The following FRMPD4 variants were observed in gnomAD, a reference collection of about 807,000 sequenced individuals.
FRMPD4 encodes FERM and PDZ domain containing 4, also known as FERM and PDZ domain-containing protein 4.
A neutral mutation model predicts 94.1 loss-of-function variants in FRMPD4; 22 were observed. That is an observed-to-expected ratio of 0.23 (90% confidence interval 0.17 to 0.33). FRMPD4 has a LOEUF of 0.33. Among genes scored for constraint, FRMPD4 ranks in the 10% least tolerant of loss-of-function variants. FRMPD4 has a pLI of 1.00. For missense variants in FRMPD4, 1,111 were observed against 1,339.9 expected (o/e 0.83, Z 2.67); for synonymous variants, 631 against 548.6 (o/e 1.15, Z -2.10).
Position 12,702,008 on chromosome X carries a change from C to T in FRMPD4, c.1068C>T (p.Ile356=), listed in dbSNP as rs1040001720. 4.1e-6 allele frequency: 5 copies of T among 1,208,763 alleles called. No individual in the cohort carries two copies. The highest frequency in any genetic ancestry group is 1.7e-5 in the African/African-American group (1 of 57,581). Residue 356 remains isoleucine (I), a splice_region_variant and synonymous_variant, in exon 10 of 17, where the codon ATC becomes ATT. Transcript: ENST00000675598. ...CGCAGAAAATCTCCCTCAAATACAT[C>T]GAGTAAGTGTTGACTCTCAGCGCCA... ...KQTQKISLKY[I]EKEWGLETFL... is the part of the protein sequence containing the mutation.
At chrX:12,003,054 C>T (rs2054532334) in intron 3 of FRMPD4, among the ~76,000 whole-genome samples, 1 of 111,374 alleles carries the variant, frequency 9.0e-6, no homozygotes, top group Non-Finnish European at 1.9e-5. Flanking sequence ...CATTAAGCTA[C>T]TCATAGCACA....
At chrX:12,464,850 C>A (rs944781588) in intron 1 of FRMPD4, among the ~76,000 whole-genome samples, 3 of 111,697 alleles carry the variant, frequency 2.7e-5, no homozygotes, top group Non-Finnish European at 5.6e-5. Flanking sequence ...CAATGCTGTA[C>A]TGGGAGTAGA....
chrX:12,220,239 C>A (rs991276143), intron 1 of FRMPD4, among the ~76,000 whole-genome samples: 4 of 111,988 alleles, frequency 3.6e-5, no homozygotes, highest in African/African-American at 1.3e-4. Context: ...TGGCATACTA[C>A]AGGGACTGTT....
At chrX:12,675,316 C>G (rs761644040) in intron 5 of FRMPD4, among the ~76,000 whole-genome samples, 2 of 110,036 alleles carry the variant, frequency 1.8e-5, no homozygotes, top group African/African-American at 6.6e-5. Flanking sequence ...TTTAGCAAAG[C>G]CTGCTTTAAG....
At chrX:11,855,837 T>C (rs2147293798) in intron 1 of FRMPD4, among the ~76,000 whole-genome samples, 1 of 112,158 alleles carries the variant, frequency 8.9e-6, no homozygotes, top group South Asian at 3.7e-4. Context: ...GCCCTCCAAA[T>C]GGTTCCAACC....
intron 1 of FRMPD4, among the ~76,000 whole-genome samples, chrX:12,450,840 G>GACTC (rs1404240319): frequency 1.2e-5 from 1 of 85,931 alleles, no homozygotes; most frequent in Non-Finnish European, 2.2e-5. Flanking sequence ...CTTTGGTTTG[G>GACTC]ACTCAGTGTT....
chrX:12,530,681 T>C (rs1012914602), intron 2 of FRMPD4, among the ~76,000 whole-genome samples: 1 of 110,719 alleles, frequency 9.0e-6, no homozygotes, highest in Non-Finnish European at 1.9e-5. Context: ...AATGAGGGGG[T>C]GATATCAAAG....
intron 1 of FRMPD4, among the ~76,000 whole-genome samples, chrX:12,324,000 G>T (rs1271747216): frequency 1.8e-5 from 2 of 111,787 alleles, no homozygotes; most frequent in African/African-American, 6.5e-5. Flanking sequence ...TGAGGAGGTT[G>T]TGTCAACAAA....
chrX:12,077,574 C>T (rs2055029895), intron 3 of FRMPD4, among the ~76,000 whole-genome samples: 1 of 111,784 alleles, frequency 8.9e-6, no homozygotes. Flanking sequence ...CATATTTTCA[C>T]CCACTTAGGG....
At chrX:11,955,563 C>T (rs1002246064) in intron 3 of FRMPD4, among the ~76,000 whole-genome samples, 1 of 109,556 alleles carries the variant, frequency 9.1e-6, no homozygotes, top group Non-Finnish European at 1.9e-5. Flanking sequence ...CACGGTGAAA[C>T]CCCGTCTCTA....
At chrX:12,366,600 A>G (rs1191281951) in intron 1 of FRMPD4, among the ~76,000 whole-genome samples, 1 of 112,317 alleles carries the variant, frequency 8.9e-6, no homozygotes, top group Non-Finnish European at 1.9e-5. Context: ...TGATGCAGAC[A>G]CTGTGTATGA....
chrX:12,009,033 T>C (rs931090109), intron 3 of FRMPD4, among the ~76,000 whole-genome samples: 1 of 111,798 alleles, frequency 8.9e-6, no homozygotes, highest in African/African-American at 3.3e-5. Flanking sequence ...TAATTTAAGC[T>C]GACTGTAACA....
intron 3 of FRMPD4, among the ~76,000 whole-genome samples, chrX:11,908,343 G>A (rs1398273464): frequency 1.8e-5 from 2 of 112,003 alleles, no homozygotes; most frequent in Non-Finnish European, 3.8e-5. Context: ...AAGGATATAT[G>A]TAGAGCATTT....
rs1401982516 is a variant in FRMPD4 at position 12,723,540 on chromosome X, A to G, written c.*1682A>G. ...TAACTAAATAATAAAACATTATTTC[A>G]TTACAATTATAATTATAAATATTGG... On this transcript the variant is annotated 3_prime_UTR_variant, in exon 17 of 17. Coordinates refer to ENST00000675598, the MANE Select transcript of FRMPD4 (RefSeq NM_001368397.1). 8.9e-6 allele frequency: 1 copy of G among 112,173 alleles called. No homozygotes were observed. Among genetic ancestry groups the G allele is most frequent in the East Asian group, 2.7e-4 (1 of 3,641 alleles). 9.2% of individuals were successfully genotyped at this position (112,173 alleles called of 1,213,427 possible).
intron 2 of FRMPD4, among the ~76,000 whole-genome samples, chrX:12,533,034 C>A (rs1196533015): frequency 8.9e-6 from 1 of 112,230 alleles, no homozygotes; most frequent in East Asian, 2.8e-4. Context: ...CCTTGCTAGA[C>A]TATCAAAGGA....
intron 1 of FRMPD4, among the ~76,000 whole-genome samples, chrX:12,356,787 G>A (rs1044397575): frequency 9.0e-6 from 1 of 111,693 alleles, no homozygotes; most frequent in East Asian, 2.8e-4. Context: ...CAGTTTGCTG[G>A]TGGCTACTGT....
intron 13 of FRMPD4, among the ~76,000 whole-genome samples, chrX:12,709,975 A>G (rs959124953): frequency 9.0e-6 from 1 of 110,796 alleles, no homozygotes; most frequent in African/African-American, 3.3e-5. Context: ...TAAAAATACA[A>G]AAATTAGCCT....
chrX:12,513,026 G>A (rs1365969962), intron 2 of FRMPD4, among the ~76,000 whole-genome samples: 2 of 112,215 alleles, frequency 1.8e-5, no homozygotes, highest in African/African-American at 6.5e-5. Flanking sequence ...CTTCTGTTGA[G>A]AAGCGTCTGT....
At chrX:12,231,502 C>T (rs1346406118) in intron 1 of FRMPD4, among the ~76,000 whole-genome samples, 1 of 111,231 alleles carries the variant, frequency 9.0e-6, no homozygotes, top group Non-Finnish European at 1.9e-5. Context: ...ACACATAAGG[C>T]CCCCATGTGG....
Sources: allele counts gnomAD v4.1 joint callset (sites outside exome capture counted in the v4.1 genomes callset), GRCh38; gene constraint gnomAD v4.1.1; transcripts MANE v1.5; gene names NCBI Gene and HGNC (gene_info 2026-07-23, HGNC 2026-07-21).